The following CNTN5 variants were observed in gnomAD, a reference collection of about 807,000 sequenced individuals.
The protein encoded by CNTN5 is contactin 5.
In CNTN5, 77 loss-of-function variants were observed where a neutral mutation model predicts 129.1. The observed-to-expected ratio is 0.60, with a 90% CI of 0.50 to 0.72. CNTN5 has a LOEUF of 0.72. CNTN5 is among the 30% of genes least tolerant of loss of function. The pLI is 0.00. For synonymous variants in CNTN5, 509 were observed against 465.6 expected (o/e 1.09, Z -1.20); for missense variants, 1,478 against 1,328.8 (o/e 1.11, Z -1.75).
intron 7 of CNTN5, among the ~76,000 whole-genome samples, chr11:99,949,663 C>T (rs1950629556): frequency 1.3e-5 from 2 of 152,126 alleles, no homozygotes; most frequent in Non-Finnish European, 2.9e-5. Context: ...ATTTAGGCCG[C>T]CTTTTGAAAA....
At chr11:99,364,711 G>A (rs1385963162) in intron 2 of CNTN5, among the ~76,000 whole-genome samples, 3 of 151,964 alleles carry the variant, frequency 2.0e-5, no homozygotes, top group South Asian at 2.1e-4. Context: ...TTCATTTGTC[G>A]GTACGATTAA....
intron 8 of CNTN5, among the ~76,000 whole-genome samples, chr11:99,961,059 GC>G (rs1950928618): frequency 6.6e-6 from 1 of 151,860 alleles, no homozygotes; most frequent in Non-Finnish European, 1.5e-5. Flanking sequence ...GCAAAAATTA[GC>G]CGGGCATGGT....
At chr11:99,343,657 A>G (rs1215882377) in intron 2 of CNTN5, among the ~76,000 whole-genome samples, 1 of 152,180 alleles carries the variant, frequency 6.6e-6, no homozygotes. Flanking sequence ...ATTCTGCTTA[A>G]AGCAAGCTGC....
At chr11:99,846,127 T>C (rs983071717) in intron 6 of CNTN5, among the ~76,000 whole-genome samples, 10 of 55,382 alleles carry the variant, frequency 1.8e-4, no homozygotes, top group African/African-American at 6.4e-4. Context: ...TATACGGACA[T>C]AGACACACAC....
intron 1 of CNTN5, among the ~76,000 whole-genome samples, chr11:99,272,398 C>G (rs1342044585): frequency 6.6e-6 from 1 of 151,018 alleles, no homozygotes; most frequent in African/African-American, 2.4e-5. Flanking sequence ...ACTTTTTAAT[C>G]TAAGAAAAAA....
At chr11:99,228,981 T>C (rs1270612317) in intron 1 of CNTN5, among the ~76,000 whole-genome samples, 1 of 152,044 alleles carries the variant, frequency 6.6e-6, no homozygotes, top group East Asian at 1.9e-4. Flanking sequence ...CATACATTTA[T>C]AAAGTTTCTA....
At chr11:99,165,175 T>G (rs561260237) in intron 1 of CNTN5, among the ~76,000 whole-genome samples, 17 of 152,312 alleles carry the variant, frequency 1.1e-4, no homozygotes, top group African/African-American at 3.1e-4. Flanking sequence ...GTAAATCTGA[T>G]AGTTGTTGTG....
At chr11:99,808,535 G>C (rs1355683683) in intron 3 of CNTN5, among the ~76,000 whole-genome samples, 3 of 152,138 alleles carry the variant, frequency 2.0e-5, no homozygotes, top group African/African-American at 7.2e-5. Flanking sequence ...ATGTGCCTCA[G>C]TAACCTGTAA....
chr11:99,628,116 G>C (rs922609731), intron 3 of CNTN5, among the ~76,000 whole-genome samples: 4 of 151,876 alleles, frequency 2.6e-5, no homozygotes, highest in African/African-American at 9.7e-5. Flanking sequence ...GGAGCAATTA[G>C]AGTATTCATT....
At chr11:99,113,708 A>G (rs1857907444) in intron 1 of CNTN5, among the ~76,000 whole-genome samples, 1 of 152,128 alleles carries the variant, frequency 6.6e-6, no homozygotes, top group Non-Finnish European at 1.5e-5. Context: ...AGAATTTTCT[A>G]CCATAACTCT....
intron 3 of CNTN5, among the ~76,000 whole-genome samples, chr11:99,629,439 A>C (rs1388494700): frequency 6.6e-6 from 1 of 152,016 alleles, no homozygotes; most frequent in Non-Finnish European, 1.5e-5. Context: ...CTCAGGATCT[A>C]TTAAGAAATG....
At chr11:99,187,108 T>C (rs181318365) in intron 1 of CNTN5, among the ~76,000 whole-genome samples, 78 of 151,952 alleles carry the variant, frequency 5.1e-4, no homozygotes, top group African/African-American at 1.7e-3. Context: ...CCAGGCTTTC[T>C]CTCCAAAATT....
chr11:99,825,203 A>G (rs1290723195), intron 4 of CNTN5, among the ~76,000 whole-genome samples: 1 of 151,960 alleles, frequency 6.6e-6, no homozygotes, highest in African/African-American at 2.4e-5. Flanking sequence ...CAGACTCTTT[A>G]ATTTCTTTAG....
At chr11:100,195,769 A>G (rs1001425195) in intron 15 of CNTN5, among the ~76,000 whole-genome samples, 7 of 151,996 alleles carry the variant, frequency 4.6e-5, no homozygotes, top group African/African-American at 1.7e-4. Context: ...TACTTCAAAC[A>G]CTGAGTCTTG....
chr11:99,634,944 G>A (rs1056020237), intron 3 of CNTN5, among the ~76,000 whole-genome samples: 4 of 152,052 alleles, frequency 2.6e-5, no homozygotes, highest in African/African-American at 7.2e-5. Flanking sequence ...TTAACGTAAG[G>A]TTTGCTCATT....
At chr11:99,410,717 A>T (rs951407267) in intron 2 of CNTN5, among the ~76,000 whole-genome samples, 1 of 152,226 alleles carries the variant, frequency 6.6e-6, no homozygotes, top group African/African-American at 2.4e-5. Context: ...AAAACATGGC[A>T]TGAATAATGT....
chr11:100,274,657 A>G (rs1014577487), intron 18 of CNTN5, among the ~76,000 whole-genome samples: 3 of 152,152 alleles, frequency 2.0e-5, no homozygotes, highest in African/African-American at 7.2e-5. Flanking sequence ...GAAATACAAA[A>G]TGCAATAACA....
At chr11:99,498,349 A>T (rs1181914390) in intron 2 of CNTN5, among the ~76,000 whole-genome samples, 3 of 152,158 alleles carry the variant, frequency 2.0e-5, no homozygotes, top group Non-Finnish European at 4.4e-5. Flanking sequence ...TGGTTTATCT[A>T]TTCATTACCA....
intron 21 of CNTN5, among the ~76,000 whole-genome samples, chr11:100,329,295 G>A (rs1951854215): frequency 6.6e-6 from 1 of 152,164 alleles, no homozygotes; most frequent in African/African-American, 2.4e-5. Flanking sequence ...AAGAGAGGCT[G>A]AGCTCAGAAA....
Sources: allele counts gnomAD v4.1 joint callset (sites outside exome capture counted in the v4.1 genomes callset), GRCh38; gene constraint gnomAD v4.1.1; transcripts MANE v1.5; gene names NCBI Gene and HGNC (gene_info 2026-07-23, HGNC 2026-07-21).